The following G6PC1 variants were observed in gnomAD, a reference collection of about 807,000 sequenced individuals.
The protein encoded by G6PC1 is glucose-6-phosphatase catalytic subunit 1, also known as G-6-Pase.
G6PC1 carries 23 observed loss-of-function variants against 30.4 expected under a neutral mutation model. That is an observed-to-expected ratio of 0.76 (90% CI 0.55 to 1.07). The LOEUF (loss-of-function observed/expected upper bound fraction) is 1.07. Ranked by LOEUF, G6PC1 falls within the 50% of genes least tolerant of loss-of-function variation. G6PC1 has a pLI of 0.00. For missense variants in G6PC1, 391 were observed against 433.9 expected (o/e 0.90, Z 0.88); for synonymous variants, 163 against 175.6 (o/e 0.93, Z 0.57).
At position 42,914,407 on chromosome 17, in the gene G6PC1, G is replaced by T. The variant is rs886052968; in HGVS notation, c.*2981G>T. 6.6e-6 allele frequency among the ~76,000 whole-genome samples: 1 copy of T among 152,194 alleles called. No individual in the cohort carries two copies. ...ATGAGGTTGATAAGAAAACATAACAGATAAAGTTTATTGAGTGCTAACTTT... is the reference window on the plus strand; with the variant it reads ...ATGAGGTTGATAAGAAAACATAACATATAAAGTTTATTGAGTGCTAACTTT... On this transcript the variant is annotated 3_prime_UTR_variant, in exon 5 of 5. Coordinates refer to ENST00000253801, the MANE Select transcript of G6PC1 (RefSeq NM_000151.4).
rs1335446988 is a variant in G6PC1, at chr17:42,909,283, G to A, written c.447-20G>A. 2 of 1,556,572 alleles carry A rather than the reference G, an allele frequency of 1.3e-6. No homozygotes were observed. Among genetic ancestry groups the A allele is most frequent in the Non-Finnish European group, 1.8e-6 (2 of 1,127,764 alleles). Reference sequence around the variant, plus strand: ...AGGATCTGCACCTGTGTTCTGTTATGGTTGCCTCTTCTGTTGCAGGTGCTT... The same window carrying A: ...AGGATCTGCACCTGTGTTCTGTTATAGTTGCCTCTTCTGTTGCAGGTGCTT... On this transcript the variant is annotated intron_variant, in intron 3 of 4. Coordinates refer to ENST00000253801, the MANE Select transcript of G6PC1 (RefSeq NM_000151.4).
At position 42,911,474 on chromosome 17, in the gene G6PC1, TGAG is replaced by T. The variant is rs775240201; in HGVS notation, c.*54_*56del. 6.2e-7 allele frequency: 1 copy of T among 1,612,854 alleles called. No individual in the cohort carries two copies. Among genetic ancestry groups the T allele is most frequent in the South Asian group, 1.1e-5 (1 of 90,908 alleles). ...TAAAGTCAACAACCATGCCAGGGAT[TGAG>T]GAGGACTACTATTTGAAGCAATGGG... On this transcript the variant is annotated 3_prime_UTR_variant, in exon 5 of 5. Transcript: ENST00000253801.
chr17:42,910,568 G>A lies in G6PC1; in HGVS notation c.563-347G>A, dbSNP rs918536427. Among the ~76,000 whole-genome samples, 14 of 152,252 alleles carry A rather than the reference G, an allele frequency of 9.2e-5. 2 individuals are homozygous for A. In the South Asian group the frequency reaches 2.1e-3, roughly 23 times the overall value. On this transcript the variant is annotated intron_variant, in intron 4 of 4. Coordinates refer to ENST00000253801, the MANE Select transcript of G6PC1 (RefSeq NM_000151.4). ...GGACCAGTTTCACACAGACAAGGAA[G>A]AACTATTCAGCAATCAATTCCGTTC...
At chr17:42,903,394 A>T (rs1220426230) in intron 1 of G6PC1, among the ~76,000 whole-genome samples, 2 of 151,680 alleles carry the variant, frequency 1.3e-5, no homozygotes, top group Admixed American at 1.3e-4. Flanking sequence ...GGAGTTCAGA[A>T]TCTTGGGCTT....
rs1183288891 is a variant in G6PC1, at chr17:42,904,296, G to A, written c.340+256G>A. ...GGGCAAAGGGCTCGTGAGAGTCACC[G>A]CCCTGCAGCGCTGTGTCCTGAGAAA... is the stretch of plus-strand genomic sequence containing the variant. On this transcript the variant is annotated intron_variant, in intron 2 of 4. Coordinates refer to ENST00000253801, the MANE Select transcript of G6PC1 (RefSeq NM_000151.4). 2.2e-5 allele frequency: 10 copies of A among 461,486 alleles called. No individual in the cohort carries two copies. In the East Asian group the frequency reaches 2.3e-4, roughly 10 times the overall value. The allele number at this position is 461,486 out of a possible 1,614,324, so 28.6% of individuals were successfully genotyped here.
At position 42,907,551 on chromosome 17, in the gene G6PC1, A is replaced by T. The variant is rs1371413603; in HGVS notation, c.369A>T (p.Thr123=). 1 of 1,613,646 alleles carries T rather than the reference A, an allele frequency of 6.2e-7. No individual in the cohort carries two copies. The highest frequency in any genetic ancestry group is 1.1e-5 in the South Asian group (1 of 91,050). The change falls in exon 3 of 5, where the codon ACA becomes ACT. Residue 123 remains threonine, a synonymous_variant. Transcript: ENST00000253801. The stretch of plus-strand genomic sequence containing the variant: ...GCCCCTCTGGCCATGCCATGGGCAC[A>T]GCAGGTGTATACTACGTGATGGTCA... ...PGSPSGHAMG[T]AGVYYVMVTS...
chr17:42,910,963 C>T lies in G6PC1; in HGVS notation c.611C>T (p.Ala204Val), dbSNP rs969519705. 2 of 1,614,172 alleles carry T rather than the reference C, an allele frequency of 1.2e-6. No homozygotes were observed. The highest frequency in any genetic ancestry group is 1.7e-6 in the Non-Finnish European group (2 of 1,180,022). Residue 204 changes from alanine (A) to valine (V), a missense_variant, in exon 5 of 5, where the codon GCC (alanine) becomes GTC (valine). Ala to Val is a moderately conservative substitution (Grantham distance 64, BLOSUM62 0). Transcript: ENST00000253801. ...AGCCACATCCACAGCATCTATAATG[C>T]CAGCCTCAAGAAATATTTTCTCATT... The part of the protein sequence containing the change: ...TFSHIHSIYN[A>V]SLKKYFLITF...
Position 42,914,333 on chromosome 17 carries a change from C to T in G6PC1, c.*2907C>T, listed in dbSNP as rs961895861. 5.3e-5 allele frequency among the ~76,000 whole-genome samples: 8 copies of T among 152,162 alleles called. No individual in the cohort carries two copies. Among genetic ancestry groups the T allele is most frequent in the African/African-American group, 1.9e-4 (8 of 41,440 alleles). ...CCAAGGACCAAGTCCAAGATCCTTACAAGAAAGGTCTGCCAGAAAGTAAAT... is the reference window on the plus strand; with the variant it reads ...CCAAGGACCAAGTCCAAGATCCTTATAAGAAAGGTCTGCCAGAAAGTAAAT... On this transcript the variant is annotated 3_prime_UTR_variant, in exon 5 of 5. Transcript: ENST00000253801.
chr17:42,910,008 C>T (rs12103792), intron 4 of G6PC1, among the ~76,000 whole-genome samples: 2 of 151,738 alleles, frequency 1.3e-5, no homozygotes, highest in East Asian at 1.9e-4. Flanking sequence ...GGACTACAGG[C>T]GCCCGCCACC....
chr17:42,905,973 GA>G (rs1455580139), intron 2 of G6PC1, among the ~76,000 whole-genome samples: 1 of 151,482 alleles, frequency 6.6e-6, no homozygotes, highest in Non-Finnish European at 1.5e-5. Flanking sequence ...TTCAACCCGG[GA>G]GGCAGAGGTT....
At position 42,909,325 on chromosome 17, in the gene G6PC1, T is replaced by C. The variant is rs1418925476; in HGVS notation, c.469T>C (p.Leu157=). The C allele has an allele frequency of 1.2e-6, 2 of 1,613,996 alleles. No homozygotes were observed. The highest frequency in any genetic ancestry group is 1.7e-5 in the Admixed American group (1 of 60,006). Residue 157 remains leucine, a synonymous_variant, in exon 4 of 5, where the codon TTG becomes CTG. Coordinates refer to ENST00000253801, the MANE Select transcript of G6PC1 (RefSeq NM_000151.4). The part of the protein sequence containing the change: ...RFRCLNVILW[L]GFWAVQLNVC... ...CAGGTGCTTGAATGTCATTTTGTGG[T>C]TGGGATTCTGGGCTGTGCAGCTGAA...
rs1298534116 is a variant in G6PC1 at position 42,903,987 on chromosome 17, A to T, written c.287A>T (p.Asn96Ile). ...GTTTTGGATACTGACTACTACAGCA[A>T]CACTTCCGTGCCCCTGATAAAGCAG... ...WWVLDTDYYS[N>I]TSVPLIKQFP... The change falls in exon 2 of 5, where the codon AAC becomes ATC. Residue 96 changes from asparagine (N) to isoleucine (I), a missense_variant. Asn to Ile is a moderately radical substitution (Grantham distance 149). Coordinates refer to ENST00000253801, the MANE Select transcript of G6PC1 (RefSeq NM_000151.4). 6.2e-7 allele frequency: 1 copy of T among 1,614,088 alleles called. No homozygotes were observed.
chr17:42,901,034 T>C lies in G6PC1; in HGVS notation c.158T>C (p.Leu53Pro). The C allele has an allele frequency of 6.2e-7, 1 of 1,614,186 alleles. No individual in the cohort carries two copies. Among genetic ancestry groups the C allele is most frequent in the South Asian group, 1.1e-5 (1 of 91,088 alleles). Reference protein sequence around the residue: ...FYVLFPIWFHLQEAVGIKLLW... With the variant: ...FYVLFPIWFHPQEAVGIKLLW... ...GTCCTCTTCCCCATCTGGTTCCATC[T>C]TCAGGAAGCTGTGGGCATTAAACTC... The change falls in exon 1 of 5, where the codon CTT (leucine) becomes CCT (proline). Residue 53 changes from leucine (L) to proline (P), a missense_variant. Leu to Pro is a moderately conservative substitution (Grantham distance 98). Transcript: ENST00000253801.
intron 2 of G6PC1, among the ~76,000 whole-genome samples, chr17:42,907,027 T>TGAA (rs1184135961): frequency 6.6e-6 from 1 of 152,120 alleles, no homozygotes; most frequent in African/African-American, 2.4e-5. Context: ...AGAAGAGCTG[T>TGAA]GAAGGGCTGT....
At chr17:42,905,429 A>AAAAATATAT (rs572893716) in intron 2 of G6PC1, among the ~76,000 whole-genome samples, 2 of 120,860 alleles carry the variant, frequency 1.7e-5, no homozygotes, top group African/African-American at 7.8e-5. Flanking sequence ...AAAAAAAAAA[A>AAAAATATAT]ATATATATAT....
chr17:42,904,183 C>A (rs888799142), intron 2 of G6PC1, 143 bp downstream of exon 2: 3 of 713,762 alleles, frequency 4.2e-6, no homozygotes, highest in Non-Finnish European at 7.7e-6. Context: ...TAATTCACTT[C>A]TGCAATACTT....
chr17:42,903,600 G>T (rs772193960), intron 1 of G6PC1, among the ~76,000 whole-genome samples: 6 of 151,940 alleles, frequency 3.9e-5, no homozygotes, highest in African/African-American at 1.2e-4. Context: ...TGTAGTCCCA[G>T]CTATTCAGGA....
chr17:42,910,837 A>G, intron 4 of G6PC1, 78 bp from the exon 5 acceptor site: 1 of 1,361,120 alleles, frequency 7.3e-7, no homozygotes, highest in South Asian at 1.2e-5. Flanking sequence ...ATGGCATGTC[A>G]CCCACTCCTC....
At chr17:42,904,308 T>G in intron 2 of G6PC1, 1 of 442,794 alleles carries the variant, frequency 2.3e-6, no homozygotes, top group East Asian at 4.8e-5. Context: ...CCTGCAGCGC[T>G]GTGTCCTGAG....
Sources: allele counts gnomAD v4.1 joint callset (sites outside exome capture counted in the v4.1 genomes callset), GRCh38; gene constraint gnomAD v4.1.1; transcripts MANE v1.5; gene names NCBI Gene and HGNC (gene_info 2026-07-23, HGNC 2026-07-21).